The following RPS6KA6 variants were observed in gnomAD, a reference collection of about 807,000 sequenced individuals.
RPS6KA6 encodes the protein ribosomal protein S6 kinase A6.
Under a neutral mutation model 65.4 loss-of-function variants are expected in RPS6KA6, and 27 were observed. That is an observed-to-expected ratio of 0.41 (90% confidence interval 0.30 to 0.57). The LOEUF (loss-of-function observed/expected upper bound fraction) is 0.57, where lower values mean the gene tolerates loss of function less well. Among genes scored for constraint, RPS6KA6 ranks in the 20% least tolerant of loss-of-function variants. The probability of loss-of-function intolerance (pLI) is 0.24; values close to 1 mark genes in which losing one functional copy is unlikely to be tolerated. For synonymous variants in RPS6KA6, 190 were observed against 184.2 expected (o/e 1.03, Z -0.26); for missense variants, 486 against 555.6 (o/e 0.87, Z 1.26).
chrX:84,182,032 C>A (rs1183292324), intron 1 of RPS6KA6, among the ~76,000 whole-genome samples: 1 of 61,706 alleles, frequency 1.6e-5, no homozygotes, highest in Non-Finnish European at 2.8e-5. Context: ...TTCCCTCTTT[C>A]TCTGTCTCTC....
Position 84,106,479 on chromosome X carries a change from T to G in RPS6KA6, c.1251A>C (p.Gly417=). The G allele has an allele frequency of 8.9e-7, 1 of 1,126,687 alleles. No individual in the cohort carries two copies. The highest frequency in any genetic ancestry group is 2.4e-5 in the Admixed American group (1 of 40,999). 92.9% of individuals were successfully genotyped at this position (1,126,687 alleles called of 1,213,427 possible). Residue 417 remains glycine (G), a synonymous_variant, in exon 15 of 22, where the codon GGA becomes GGC. Transcript: ENST00000262752. ...ANVLPIVQIN[G]NAAQFGEVYE... Reference sequence around the variant, plus strand: ...ATACTTCACCAAATTGTGCAGCATTTCCATTTATCTGTTTATTTTTAAAAA... The same window carrying G: ...ATACTTCACCAAATTGTGCAGCATTGCCATTTATCTGTTTATTTTTAAAAA...
chrX:84,106,068 C>T (rs2034354602), intron 15 of RPS6KA6, among the ~76,000 whole-genome samples, 192 bp from the exon 16 acceptor site: 1 of 111,341 alleles, frequency 9.0e-6, no homozygotes, highest in Non-Finnish European at 1.9e-5. Context: ...AACATTATAT[C>T]CTATTTCACT....
At chrX:84,179,749 A>G (rs1347418624) in intron 1 of RPS6KA6, among the ~76,000 whole-genome samples, 1 of 111,682 alleles carries the variant, frequency 9.0e-6, no homozygotes, top group Non-Finnish European at 1.9e-5. Context: ...CTCCATCTGT[A>G]AAATAAAGTA....
In RPS6KA6 at chrX:84,059,039, T is replaced by C. The variant is rs780475094; in HGVS notation, c.*5238A>G. On this transcript the variant is annotated 3_prime_UTR_variant, in exon 22 of 22. Transcript: ENST00000262752. ...ACTATGGAATTTAATGCAAGATAAA[T>C]TCTAACTTACAAACCATGCTGGAAT... The C allele has an allele frequency of 1.9e-5, 2 of 106,721 alleles. No individual in the cohort carries two copies. The highest frequency in any genetic ancestry group is 8.4e-4 in the South Asian group (2 of 2,368). The allele number at this position is 106,721 out of a possible 1,213,427, so 8.8% of individuals were successfully genotyped here.
At chrX:84,133,123 T>A (rs889295655) in intron 8 of RPS6KA6, among the ~76,000 whole-genome samples, 1 of 112,109 alleles carries the variant, frequency 8.9e-6, no homozygotes, top group Non-Finnish European at 1.9e-5. Flanking sequence ...ATGTGGGAGT[T>A]ATTTATATTC....
At position 84,072,528 on chromosome X, in the gene RPS6KA6, A is replaced by G. The variant is rs769752367; in HGVS notation, c.1972-7417T>C. On this transcript the variant is annotated intron_variant, in intron 20 of 21. Transcript: ENST00000262752. ...ATGTCCACTTTTACCACTTTTATTC[A>G]GCATAGTTCTGGAAGTCCTAGCCAG... 3.6e-5 allele frequency among the ~76,000 whole-genome samples: 4 copies of G among 111,833 alleles called. 1 individual carries two copies. The highest frequency in any genetic ancestry group is 7.5e-5 in the Non-Finnish European group (4 of 53,086).
chrX:84,103,193 GAAA>G (rs1445005415), intron 17 of RPS6KA6, among the ~76,000 whole-genome samples: 4 of 110,996 alleles, frequency 3.6e-5, no homozygotes, highest in Non-Finnish European at 5.7e-5. Context: ...ACAGTCTTAA[GAAA>G]ATCAATAAAT....
intron 6 of RPS6KA6, 141 bp downstream of exon 6, chrX:84,145,337 C>A: frequency 2.5e-6 from 1 of 399,421 alleles, no homozygotes; most frequent in South Asian, 4.9e-5. Context: ...CATTAACAGG[C>A]ACATTACCAA....
intron 10 of RPS6KA6, 27 bp downstream of exon 10, chrX:84,117,357 A>G: frequency 7.9e-6 from 8 of 1,007,127 alleles, no homozygotes; most frequent in Non-Finnish European, 1.1e-5. Context: ...TTTTTTCCCA[A>G]AAGAAAAACA....
intron 4 of RPS6KA6, 63 bp from the exon 5 acceptor site, chrX:84,147,121 A>G: frequency 1.6e-6 from 1 of 611,785 alleles, no homozygotes; most frequent in South Asian, 3.7e-5. Flanking sequence ...AGAGTCCATC[A>G]ATAATTTACC....
At chrX:84,131,383 T>C (rs767478405) in intron 8 of RPS6KA6, among the ~76,000 whole-genome samples, 9 of 112,464 alleles carry the variant, frequency 8.0e-5, no homozygotes, top group Non-Finnish European at 1.5e-4. Flanking sequence ...TAACTTTTGG[T>C]ATAATTTTTA....
chrX:84,169,502 G>A (rs2035647740), intron 1 of RPS6KA6, among the ~76,000 whole-genome samples: 1 of 111,135 alleles, frequency 9.0e-6, no homozygotes, highest in Non-Finnish European at 1.9e-5. Context: ...AATACAAATA[G>A]TTTAGTAAAA....
intron 1 of RPS6KA6, among the ~76,000 whole-genome samples, chrX:84,185,730 A>G (rs780964828): frequency 3.6e-5 from 4 of 112,100 alleles, no homozygotes; most frequent in Non-Finnish European, 7.5e-5. Context: ...GCACATTTTA[A>G]AAATATATAT....
intron 20 of RPS6KA6, among the ~76,000 whole-genome samples, chrX:84,065,839 G>A (rs947156475): frequency 8.9e-5 from 10 of 111,863 alleles, no homozygotes; most frequent in African/African-American, 3.3e-4. Flanking sequence ...CAAGATGGCC[G>A]AATAACAGCT....
intron 8 of RPS6KA6, among the ~76,000 whole-genome samples, chrX:84,123,440 CATATGGG>C (rs1348379824): frequency 8.9e-6 from 1 of 112,613 alleles, no homozygotes; most frequent in Non-Finnish European, 1.9e-5. Context: ...TGCCCTGGGG[CATATGGG>C]AGCCCAGTGC....
chrX:84,108,792 G>T (rs2034412398), intron 12 of RPS6KA6, among the ~76,000 whole-genome samples: 1 of 111,811 alleles, frequency 8.9e-6, no homozygotes, highest in Non-Finnish European at 1.9e-5. Flanking sequence ...TAGGCAGGGA[G>T]CAGGGAGGCT....
intron 2 of RPS6KA6, among the ~76,000 whole-genome samples, chrX:84,156,889 A>T (rs774178591): frequency 8.9e-6 from 1 of 111,905 alleles, no homozygotes; most frequent in East Asian, 2.8e-4. Flanking sequence ...GAAGCACAAT[A>T]GCTAGGATGA....
rs1602499627 is a variant in RPS6KA6 at position 84,187,978 on chromosome X, G to C, written c.-79C>G. The stretch of plus-strand genomic sequence containing the variant: ...CGCATCCTGTCTATTGAACTGGCCC[G>C]CCGCCGCCGCCGCCGCCGCCGCCGC... On this transcript the variant is annotated 5_prime_UTR_variant, in exon 1 of 22. Transcript: ENST00000262752. 2.0e-5 allele frequency: 5 copies of C among 249,060 alleles called. No individual in the cohort carries two copies. Among genetic ancestry groups the C allele is most frequent in the East Asian group, 1.0e-4 (1 of 9,974 alleles). 20.5% of individuals were successfully genotyped at this position (249,060 alleles called of 1,213,427 possible).
At position 84,149,430 on chromosome X, in the gene RPS6KA6, T is replaced by A. The variant is rs982232811; in HGVS notation, c.259-1307A>T. On this transcript the variant is annotated intron_variant, in intron 3 of 21. Coordinates refer to ENST00000262752, the MANE Select transcript of RPS6KA6 (RefSeq NM_014496.5). ...CCCAGATTCATCAGAGCAATCACCATCTACAGCAACTATAGCCTTACAAAA... is the reference window on the plus strand; with the variant it reads ...CCCAGATTCATCAGAGCAATCACCAACTACAGCAACTATAGCCTTACAAAA... Among the ~76,000 whole-genome samples, 3 of 112,105 alleles carry A rather than the reference T, an allele frequency of 2.7e-5. No individual in the cohort carries two copies. In the Admixed American group the frequency reaches 2.8e-4, roughly 11 times the overall value.
Sources: allele counts gnomAD v4.1 joint callset (sites outside exome capture counted in the v4.1 genomes callset), GRCh38; gene constraint gnomAD v4.1.1; transcripts MANE v1.5; gene names NCBI Gene and HGNC (gene_info 2026-07-23, HGNC 2026-07-21).